SGMS2: variants seen among roughly 807,000 people sequenced by gnomAD.
The protein encoded by SGMS2 is sphingomyelin synthase 2.
SGMS2 carries 21 observed loss-of-function variants against 43.8 expected under a neutral mutation model. The ratio of observed to expected loss-of-function variants is 0.48; its 90% CI spans 0.34 to 0.69. The LOEUF is 0.69. Among genes scored for constraint, SGMS2 ranks in the 30% least tolerant of loss-of-function variants. SGMS2 has a pLI of 0.01. For missense variants in SGMS2, 384 were observed against 443.2 expected, an observed-to-expected ratio of 0.87 and a Z score of 1.20; for synonymous variants, 167 against 160.6, an observed-to-expected ratio of 1.04 and a Z score of -0.30.
intron 2 of SGMS2, chr4:107,863,799 G>A (rs531340688): frequency 6.6e-6 from 1 of 152,304 alleles, no homozygotes; most frequent in South Asian, 2.1e-4. Context: ...TAAGTCAGAT[G>A]AAATGTTTGG....
intron 2 of SGMS2, chr4:107,886,881 G>A (rs1729792764): frequency 6.6e-6 from 1 of 152,132 alleles, no homozygotes; most frequent in African/African-American, 2.4e-5. Flanking sequence ...CTGTATTGCT[G>A]TAAGTTAAGA....
intron 1 of SGMS2, among the ~76,000 whole-genome samples, chr4:107,846,983 G>A (rs551878555): frequency 1.0e-3 from 154 of 152,122 alleles, no homozygotes; most frequent in African/African-American, 3.6e-3. Context: ...TTGTAAATTT[G>A]TTTGAGCTCA....
At chr4:107,860,472 G>A (rs529450674) in intron 2 of SGMS2, among the ~76,000 whole-genome samples, 5 of 151,842 alleles carry the variant, frequency 3.3e-5, no homozygotes, top group East Asian at 3.9e-4. Flanking sequence ...AGGTCATAAG[G>A]TGTATGTGTA....
intron 1 of SGMS2, among the ~76,000 whole-genome samples, chr4:107,831,535 TG>T (rs1350901573): frequency 6.6e-6 from 1 of 152,228 alleles, no homozygotes; most frequent in Non-Finnish European, 1.5e-5. Context: ...GCCTGCTTCA[TG>T]GTAAATATTC....
At position 107,910,584 on chromosome 4, in the gene SGMS2, C is replaced by G. The variant is rs1732043973; in HGVS notation, c.*31C>G. 2 of 1,596,846 alleles carry G rather than the reference C, an allele frequency of 1.3e-6. No homozygotes were observed. Among genetic ancestry groups the G allele is most frequent in the East Asian group, 2.2e-5 (1 of 44,558 alleles). On this transcript the variant is annotated 3_prime_UTR_variant, in exon 7 of 7. Coordinates refer to ENST00000690982, the MANE Select transcript of SGMS2 (RefSeq NM_001375905.1). ...AAAACAAAGGCATCAGCTCTTACACCAAAAGAGTTAACGCTGTAACCAAAG... is the reference window on the plus strand; with the variant it reads ...AAAACAAAGGCATCAGCTCTTACACGAAAAGAGTTAACGCTGTAACCAAAG...
At chr4:107,886,364 A>ATTTTT (rs67228519) in intron 2 of SGMS2, among the ~76,000 whole-genome samples, 5 of 106,266 alleles carry the variant, frequency 4.7e-5, no homozygotes, top group Non-Finnish European at 9.1e-5. Flanking sequence ...CACCCAGCTA[A>ATTTTT]TTTTTTTTTT....
At chr4:107,882,637 A>C (rs1729452198) in intron 2 of SGMS2, among the ~76,000 whole-genome samples, 2 of 152,334 alleles carry the variant, frequency 1.3e-5, no homozygotes, top group South Asian at 4.1e-4. Context: ...TTAATTAGAT[A>C]ATACAGAAGC....
At chr4:107,862,829 C>T (rs1378563146) in intron 2 of SGMS2, among the ~76,000 whole-genome samples, 2 of 152,186 alleles carry the variant, frequency 1.3e-5, no homozygotes, top group African/African-American at 4.8e-5. Context: ...AGTTGCTAGG[C>T]AACAGGAGTG....
intron 1 of SGMS2, among the ~76,000 whole-genome samples, chr4:107,847,397 C>A (rs988388700): frequency 2.0e-5 from 3 of 152,042 alleles, no homozygotes; most frequent in Non-Finnish European, 2.9e-5. Flanking sequence ...TTGTTTTTCT[C>A]AGGTTTGTCA....
At chr4:107,842,247 G>T (rs1259598870) in intron 1 of SGMS2, among the ~76,000 whole-genome samples, 1 of 152,152 alleles carries the variant, frequency 6.6e-6, no homozygotes, top group African/African-American at 2.4e-5. Flanking sequence ...TTGGCTCACT[G>T]TTCTGCAGAC....
intron 4 of SGMS2, among the ~76,000 whole-genome samples, chr4:107,901,888 A>G (rs1342477342): frequency 6.6e-6 from 1 of 151,320 alleles, no homozygotes; most frequent in Non-Finnish European, 1.5e-5. Context: ...AGGTGGCCAA[A>G]CACTTACCTC....
Position 107,911,311 on chromosome 4 carries a change from A to G in SGMS2, c.*758A>G, listed in dbSNP as rs1732104206. On this transcript the variant is annotated 3_prime_UTR_variant, in exon 7 of 7. Transcript: ENST00000690982. The stretch of plus-strand genomic sequence containing the variant: ...CAGGAAACATGAGATGGTTTCTGCT[A>G]ATGAGTGGCCCTTGAGTACACACTT... 1 of 152,226 alleles carries G rather than the reference A, an allele frequency of 6.6e-6. No homozygotes were observed. Among genetic ancestry groups the G allele is most frequent in the Admixed American group, 6.5e-5 (1 of 15,280 alleles). 9.4% of individuals were successfully genotyped at this position (152,226 alleles called of 1,614,324 possible). A position where few individuals can be genotyped will look rare whatever the true frequency, so the allele number is the denominator to read the frequency against.
chr4:107,902,220 T>C (rs1436568687), intron 4 of SGMS2, among the ~76,000 whole-genome samples: 1 of 150,252 alleles, frequency 6.7e-6, no homozygotes. Flanking sequence ...AGCAGCCAAG[T>C]TGGTCTCTCC....
At chr4:107,838,798 G>T (rs1035074314) in intron 1 of SGMS2, among the ~76,000 whole-genome samples, 1 of 151,504 alleles carries the variant, frequency 6.6e-6, no homozygotes, top group Non-Finnish European at 1.5e-5. Flanking sequence ...GCTGCTTTTT[G>T]CTTATATCAT....
At chr4:107,880,144 C>T (rs1238040785) in intron 2 of SGMS2, among the ~76,000 whole-genome samples, 1 of 152,112 alleles carries the variant, frequency 6.6e-6, no homozygotes, top group Non-Finnish European at 1.5e-5. Context: ...CTACTAGAAG[C>T]TAATTTTTCA....
At chr4:107,830,723 G>A (rs1197336890) in intron 1 of SGMS2, among the ~76,000 whole-genome samples, 1 of 152,036 alleles carries the variant, frequency 6.6e-6, no homozygotes, top group Non-Finnish European at 1.5e-5. Context: ...TAATGGGGTT[G>A]TTGGTTTTTT....
At chr4:107,892,192 A>G (rs1730279612) in intron 2 of SGMS2, among the ~76,000 whole-genome samples, 1 of 146,326 alleles carries the variant, frequency 6.8e-6, no homozygotes, top group African/African-American at 2.5e-5. Context: ...TCATGGAAGC[A>G]GGAAAAACTT....
intron 2 of SGMS2, among the ~76,000 whole-genome samples, chr4:107,866,471 C>CA (rs1206671368): frequency 1.3e-5 from 2 of 151,818 alleles, no homozygotes; most frequent in African/African-American, 4.8e-5. Context: ...GAGGCTGAGG[C>CA]AGGAGAATCG....
At chr4:107,835,607 A>G in intron 1 of SGMS2, among the ~76,000 whole-genome samples, 1 of 152,148 alleles carries the variant, frequency 6.6e-6, no homozygotes, top group Non-Finnish European at 1.5e-5. Flanking sequence ...TCATTTGCTT[A>G]CATTTTATCC....
Sources: allele counts gnomAD v4.1 joint callset (sites outside exome capture counted in the v4.1 genomes callset), GRCh38; gene constraint gnomAD v4.1.1; transcripts MANE v1.5; gene names NCBI Gene and HGNC (gene_info 2026-07-23, HGNC 2026-07-21).